Variants in C12orf54 observed in about 807,000 individuals in gnomAD.
The protein encoded by C12orf54 is chromosome 12 open reading frame 54.
A neutral mutation model predicts 26.4 loss-of-function variants in C12orf54; 24 were observed. The ratio of observed to expected loss-of-function variants is 0.91; its 90% CI spans 0.66 to 1.28. C12orf54 has a LOEUF of 1.28. Among genes scored for constraint, C12orf54 ranks in the 50% most tolerant of loss-of-function variants. C12orf54 has a pLI of 0.00. For synonymous variants in C12orf54, 54 were observed against 47.0 expected (o/e 1.15, Z -0.61); for missense variants, 154 against 150.9 (o/e 1.02, Z -0.11).
At chr12:48,432,715 C>A in the C12orf54 span, among the ~76,000 whole-genome samples, 3 of 151,922 alleles carry the variant, frequency 2.0e-5, no homozygotes, top group Non-Finnish European at 4.4e-5. Flanking sequence ...ACTAAAAGTA[C>A]AAAATTAGCC....
upstream of C12orf54, among the ~76,000 whole-genome samples, chr12:48,480,004 T>TTA (rs141751998): frequency 5.2e-4 from 79 of 151,580 alleles, no homozygotes; most frequent in African/African-American, 1.2e-3. Flanking sequence ...TTTTCTTATT[T>TTA]TATATATATA....
At chr12:48,479,236 A>G (rs1172520049), upstream of C12orf54, among the ~76,000 whole-genome samples, 1 of 152,176 alleles carries the variant, frequency 6.6e-6, no homozygotes, top group Non-Finnish European at 1.5e-5. Flanking sequence ...ACAGGAAACC[A>G]TCATTCTCAG....
the C12orf54 span, among the ~76,000 whole-genome samples, chr12:48,472,082 A>G: frequency 1.3e-5 from 2 of 152,182 alleles, no homozygotes; most frequent in South Asian, 4.1e-4. Context: ...CTGTATTCCT[A>G]GGTATTTCAT....
the C12orf54 span, among the ~76,000 whole-genome samples, chr12:48,425,600 G>T: frequency 3.7e-4 from 56 of 152,076 alleles, no homozygotes; most frequent in Non-Finnish European, 5.4e-4. Flanking sequence ...CCCAGTAGTG[G>T]ATTTCTGTTT....
the C12orf54 span, among the ~76,000 whole-genome samples, chr12:48,474,426 C>T: frequency 6.6e-6 from 1 of 152,154 alleles, no homozygotes; most frequent in Non-Finnish European, 1.5e-5. Flanking sequence ...CAGTGCATGA[C>T]CCGAAGCAGG....
the C12orf54 span, among the ~76,000 whole-genome samples, chr12:48,461,446 G>A: frequency 6.6e-6 from 1 of 151,712 alleles, no homozygotes; most frequent in African/African-American, 2.4e-5. Flanking sequence ...TTCTTTTCAA[G>A]TATACATGGA....
chr12:48,456,205 A>G, the C12orf54 span, among the ~76,000 whole-genome samples: 2 of 152,180 alleles, frequency 1.3e-5, no homozygotes, highest in Admixed American at 6.5e-5. Flanking sequence ...GGCCCTGGGT[A>G]TATAAAGACG....
the C12orf54 span, among the ~76,000 whole-genome samples, chr12:48,451,115 C>T: frequency 6.6e-5 from 10 of 152,254 alleles, no homozygotes; most frequent in Admixed American, 2.0e-4. Flanking sequence ...TCCAGCAGCA[C>T]ATCAAAAAGT....
chr12:48,488,691 C>G (rs1348045886), intron 4 of C12orf54, among the ~76,000 whole-genome samples: 1 of 152,146 alleles, frequency 6.6e-6, no homozygotes, highest in Non-Finnish European at 1.5e-5. Context: ...TCTTTAAATA[C>G]TTTACTGTAT....
the C12orf54 span, chr12:48,472,942 T>A: frequency 6.2e-7 from 1 of 1,614,078 alleles, no homozygotes; most frequent in Non-Finnish European, 8.5e-7. Flanking sequence ...CTCATACATC[T>A]AAATTTAAGT....
the C12orf54 span, among the ~76,000 whole-genome samples, chr12:48,424,466 G>C: frequency 6.6e-6 from 1 of 152,156 alleles, no homozygotes; most frequent in South Asian, 2.1e-4. Context: ...TCCGGACCTG[G>C]AGTTGTCTTC....
At chr12:48,456,345 A>C in the C12orf54 span, among the ~76,000 whole-genome samples, 6 of 152,192 alleles carry the variant, frequency 3.9e-5, no homozygotes, top group Non-Finnish European at 5.9e-5. Flanking sequence ...AGTTCAGAGG[A>C]GGAAAAATTC....
the C12orf54 span, among the ~76,000 whole-genome samples, chr12:48,422,975 A>G: frequency 1.3e-5 from 2 of 152,158 alleles, no homozygotes; most frequent in Admixed American, 1.3e-4. Context: ...AATATAAAAT[A>G]ATAAAGCCAG....
the C12orf54 span, chr12:48,473,548 A>G: frequency 2.8e-6 from 1 of 355,516 alleles, no homozygotes; most frequent in South Asian, 2.5e-5. Context: ...CAAGAGAGGA[A>G]AAGTGTACTG....
chr12:48,432,761 G>A, the C12orf54 span, among the ~76,000 whole-genome samples: 1 of 151,962 alleles, frequency 6.6e-6, no homozygotes, highest in African/African-American at 2.4e-5. Context: ...CCCAGCTACT[G>A]GGGAGCCTGA....
chr12:48,483,775 G>A (rs1954226361), intron 2 of C12orf54, among the ~76,000 whole-genome samples: 1 of 152,154 alleles, frequency 6.6e-6, no homozygotes, highest in East Asian at 1.9e-4. Flanking sequence ...CCCAGGTGAT[G>A]GTATCCATGA....
At chr12:48,451,320 G>C in the C12orf54 span, among the ~76,000 whole-genome samples, 7 of 151,750 alleles carry the variant, frequency 4.6e-5, no homozygotes, top group African/African-American at 1.7e-4. Flanking sequence ...CAATAAACTA[G>C]GTTTTGAAGG....
chr12:48,444,988 C>T, the C12orf54 span, among the ~76,000 whole-genome samples: 1 of 152,068 alleles, frequency 6.6e-6, no homozygotes, highest in East Asian at 1.9e-4. Context: ...CTGGCTAACA[C>T]AGTGAAACCC....
chr12:48,453,962 C>A, the C12orf54 span, among the ~76,000 whole-genome samples: 1 of 152,032 alleles, frequency 6.6e-6, no homozygotes, highest in East Asian at 1.9e-4. Flanking sequence ...GTACTTGAAG[C>A]CTTCTGTAAC....
Sources: allele counts gnomAD v4.1 joint callset (sites outside exome capture counted in the v4.1 genomes callset), GRCh38; gene constraint gnomAD v4.1.1; transcripts MANE v1.5; gene names NCBI Gene and HGNC (gene_info 2026-07-23, HGNC 2026-07-21).